The following RYR3 variants were observed in gnomAD, a reference collection of about 807,000 sequenced individuals.
The protein encoded by RYR3 is brain ryanodine receptor-calcium release channel.
RYR3 carries 207 observed loss-of-function variants against 584.3 expected under a neutral mutation model. The ratio of observed to expected loss-of-function variants is 0.35; its 90% CI spans 0.32 to 0.40. RYR3 has a LOEUF of 0.40. Ranked by LOEUF, RYR3 falls within the 10% of genes least tolerant of loss-of-function variation. The probability of loss-of-function intolerance (pLI) is 1.00; values close to 1 mark genes in which losing one functional copy is unlikely to be tolerated. For synonymous variants in RYR3, 2,416 were observed against 2,248.5 expected (o/e 1.07, Z -2.11); for missense variants, 5,616 against 6,089.2 (o/e 0.92, Z 2.59).
At chr15:33,379,683 C>CTATATATA (rs1216681475) in intron 1 of RYR3, among the ~76,000 whole-genome samples, 1 of 116,886 alleles carries the variant, frequency 8.6e-6, no homozygotes, top group African/African-American at 4.3e-5. Flanking sequence ...CTCTCTCTCT[C>CTATATATA]TCTCTATATA....
intron 1 of RYR3, among the ~76,000 whole-genome samples, chr15:33,398,802 C>T (rs1354430224): frequency 6.6e-6 from 1 of 152,104 alleles, no homozygotes; most frequent in African/African-American, 2.4e-5. Flanking sequence ...GTTCCTGGCT[C>T]TGAGGAGAGC....
intron 1 of RYR3, among the ~76,000 whole-genome samples, chr15:33,422,168 C>A (rs2044284951): frequency 6.6e-6 from 1 of 152,078 alleles, no homozygotes; most frequent in African/African-American, 2.4e-5. Flanking sequence ...TGGGGGTGAT[C>A]CTTTGAGGCT....
chr15:33,617,512 T>C (rs1486643783), intron 19 of RYR3, among the ~76,000 whole-genome samples: 1 of 152,210 alleles, frequency 6.6e-6, no homozygotes, highest in African/African-American at 2.4e-5. Context: ...CCCAGCAAGA[T>C]GCAAAGTGTT....
chr15:33,764,715 ACT>A (rs1264139608), intron 60 of RYR3, among the ~76,000 whole-genome samples: 1 of 152,102 alleles, frequency 6.6e-6, no homozygotes, highest in East Asian at 1.9e-4. Flanking sequence ...TGCTTATCAA[ACT>A]CTATAAGATT....
chr15:33,437,117 A>AGTGT (rs71415518), intron 1 of RYR3, among the ~76,000 whole-genome samples: 2,081 of 149,526 alleles, frequency 0.014, 13 homozygotes, highest in East Asian at 0.032. Flanking sequence ...AGAGAGATAG[A>AGTGT]GTGTGTGTGT....
At chr15:33,520,690 G>A (rs1364539519) in intron 3 of RYR3, among the ~76,000 whole-genome samples, 2 of 151,670 alleles carry the variant, frequency 1.3e-5, no homozygotes, top group African/African-American at 4.8e-5. Flanking sequence ...CTGGCGATTT[G>A]CTCTTTTAAA....
Position 33,594,445 on chromosome 15 carries a change from G to A in RYR3, c.1789-6974G>A, listed in dbSNP as rs147670016. On this transcript the variant is annotated intron_variant, in intron 16 of 103. Transcript: ENST00000634891. ...GTTCTTTACTCAATTGTTAAAAGCC[G>A]TAAATAGCTTAAAGGTTTTCTTAAC... is the stretch of plus-strand genomic sequence containing the variant. 3.4e-3 allele frequency among the ~76,000 whole-genome samples: 519 copies of A among 152,214 alleles called. 3 individuals are homozygous for A. Among genetic ancestry groups the A allele is most frequent in the East Asian group, 0.024 (125 of 5,180 alleles).
chr15:33,399,406 T>C (rs1299363945), intron 1 of RYR3, among the ~76,000 whole-genome samples: 2 of 152,048 alleles, frequency 1.3e-5, no homozygotes, highest in Non-Finnish European at 2.9e-5. Context: ...TTTGGGAGGC[T>C]GAGGTGGGAG....
Position 33,349,106 on chromosome 15 carries a change from CT to C in RYR3, c.51+38029del, listed in dbSNP as rs749996197. 5.5e-3 allele frequency among the ~76,000 whole-genome samples: 621 copies of C among 113,536 alleles called. 3 individuals carry two copies. The highest frequency in any genetic ancestry group is 0.013 in the African/African-American group (394 of 29,990). 74.5% of individuals were successfully genotyped at this position (113,536 alleles called of 152,430 possible). ...CTTTTTGTGGCTTGATAGCTTGTGC[CT>C]TTTTTTTTTTTTTTTTTTGCTAGAT... On this transcript the variant is annotated intron_variant, in intron 1 of 103. Coordinates refer to ENST00000634891, the MANE Select transcript of RYR3 (RefSeq NM_001036.6).
At chr15:33,848,018 C>T (rs183087466) in intron 93 of RYR3, among the ~76,000 whole-genome samples, 1 of 152,176 alleles carries the variant, frequency 6.6e-6, no homozygotes, top group Admixed American at 6.5e-5. Context: ...GGCCTGCACA[C>T]TAGCATGGGT....
At position 33,810,629 on chromosome 15, in the gene RYR3, G is replaced by A. The variant is rs1324444893; in HGVS notation, c.10177G>A (p.Ala3393Thr). The change falls in exon 71 of 104, where the codon GCA (alanine) becomes ACA (threonine). Residue 3393 changes from alanine to threonine, a missense_variant. Coordinates refer to ENST00000634891, the MANE Select transcript of RYR3 (RefSeq NM_001036.6). ...AGGCGACCAGGAGCTGATCTCCCTCGCAAAATCGCGATACAGCCATGTAAG... is the reference window on the plus strand; with the variant it reads ...AGGCGACCAGGAGCTGATCTCCCTCACAAAATCGCGATACAGCCATGTAAG... ...TPGDQELISLAKSRYSHRDTD... is the reference protein window; with the variant it reads ...TPGDQELISLTKSRYSHRDTD... 1.9e-6 allele frequency: 3 copies of A among 1,613,832 alleles called. No homozygotes were observed. The highest frequency in any genetic ancestry group is 1.1e-5 in the South Asian group (1 of 91,074).
chr15:33,321,885 G>C (rs891496260), intron 1 of RYR3, among the ~76,000 whole-genome samples: 84 of 152,088 alleles, frequency 5.5e-4, no homozygotes, highest in Admixed American at 1.0e-3. Flanking sequence ...ATTAATGCCA[G>C]CCTCAGTTTC....
chr15:33,635,902 G>T (rs2061475420), intron 26 of RYR3, 83 bp downstream of exon 26: 1 of 1,212,282 alleles, frequency 8.2e-7, no homozygotes, highest in Non-Finnish European at 1.2e-6. Flanking sequence ...CAAATTACTG[G>T]ATCTCTGGCT....
At chr15:33,690,924 A>C (rs1733078351) in intron 38 of RYR3, among the ~76,000 whole-genome samples, 1 of 151,752 alleles carries the variant, frequency 6.6e-6, no homozygotes, top group South Asian at 2.1e-4. Flanking sequence ...TTTTCAAAAC[A>C]AAGTGATATT....
chr15:33,834,367 ATTTGG>A (rs2077897291), intron 86 of RYR3, among the ~76,000 whole-genome samples: 1 of 151,846 alleles, frequency 6.6e-6, no homozygotes, highest in South Asian at 2.1e-4. Context: ...ATTCCTCTAC[ATTTGG>A]CTTTCAGAAA....
At position 33,473,516 on chromosome 15, in the gene RYR3, T is replaced by C. The variant is rs1311890024; in HGVS notation, c.149T>C (p.Leu50Ser). The C allele has an allele frequency of 1.9e-6, 3 of 1,613,882 alleles. No homozygotes were observed. In the African/African-American group the frequency reaches 4.0e-5, roughly 22 times the overall value. The change falls in exon 2 of 104, where the codon TTG (leucine) becomes TCG (serine). Residue 50 changes from leucine to serine, a missense_variant. Physicochemically the swap from Leu to Ser is moderately radical, Grantham distance 145. Coordinates refer to ENST00000634891, the MANE Select transcript of RYR3 (RefSeq NM_001036.6). ...AEGLGNRLCF[L>S]EPTSEAKYIP... ...GGACTTGGGAATCGCCTGTGCTTCT[T>C]GGAACCCACTTCAGAAGCCAAGGTG...
intron 93 of RYR3, among the ~76,000 whole-genome samples, chr15:33,845,282 C>T (rs1157376188): frequency 6.6e-6 from 1 of 152,116 alleles, no homozygotes; most frequent in Non-Finnish European, 1.5e-5. Flanking sequence ...AGATGGGTTT[C>T]GCTCTTGTCT....
chr15:33,521,825 C>T (rs1381847407), intron 3 of RYR3, among the ~76,000 whole-genome samples: 1 of 152,056 alleles, frequency 6.6e-6, no homozygotes, highest in African/African-American at 2.4e-5. Flanking sequence ...TGCATTGCAG[C>T]CTTTGACATT....
intron 1 of RYR3, among the ~76,000 whole-genome samples, chr15:33,372,745 A>G (rs1485097622): frequency 1.3e-5 from 2 of 152,078 alleles, no homozygotes; most frequent in South Asian, 2.1e-4. Context: ...AGCTCAGGCA[A>G]TCCACCCACC....
Sources: gnomAD v4.1 joint callset for allele counts (sites outside exome capture counted in the v4.1 genomes callset) on GRCh38, gnomAD v4.1.1 for gene constraint, MANE v1.5 for transcripts, NCBI Gene and HGNC (gene_info 2026-07-23, HGNC 2026-07-21) for gene names.